Variants in PCDHGA5 observed in about 807,000 individuals in gnomAD.
PCDHGA5 encodes protocadherin gamma-A5.
PCDHGA5 carries 36 observed loss-of-function variants against 56.7 expected under a neutral mutation model. That is an observed-to-expected ratio of 0.64 (90% CI 0.49 to 0.84). The LOEUF (loss-of-function observed/expected upper bound fraction) is 0.84, where lower values mean the gene tolerates loss of function less well. Ranked by LOEUF, PCDHGA5 falls within the 40% of genes least tolerant of loss-of-function variation. PCDHGA5 has a pLI of 0.00. For synonymous variants in PCDHGA5, 563 were observed against 520.2 expected (o/e 1.08, Z -1.12); for missense variants, 1,305 against 1,201.5 (o/e 1.09, Z -1.27).
Position 141,477,665 on chromosome 5 carries a change from G to T in PCDHGA5, c.2422-17142G>T, listed in dbSNP as rs753814499. ...CTATTTCACAATAAATCGTGACAAT[G>T]GCATAGTGTCATCCTTAGTGCCCCT... is the stretch of plus-strand genomic sequence containing the variant. On this transcript the variant is annotated intron_variant, in intron 1 of 3. Coordinates refer to ENST00000518069, the MANE Select transcript of PCDHGA5 (RefSeq NM_018918.3). The surrounding 1 kb of genome is among the most constrained non-coding windows in gnomAD (Gnocchi z 4.9). 6.2e-7 allele frequency: 1 copy of T among 1,614,182 alleles called. No individual in the cohort carries two copies. The highest frequency in any genetic ancestry group is 8.5e-7 in the Non-Finnish European group (1 of 1,180,038).
rs71576115 is a variant in PCDHGA5, at chr5:141,463,438, CTTTT to C, written c.2422-31344_2422-31341del. Among the ~76,000 whole-genome samples, 12 of 103,242 alleles carry C rather than the reference CTTTT, an allele frequency of 1.2e-4. No homozygotes were observed. In the South Asian group the frequency reaches 1.6e-3, roughly 14 times the overall value. 67.7% of individuals were successfully genotyped at this position (103,242 alleles called of 152,430 possible). ...GTTTGCGGATCCTCATTTCCTTCTCCTTTTTTTTTTTTTTTTTTTTTTTTTTTTG... is the reference window on the plus strand; with the variant it reads ...GTTTGCGGATCCTCATTTCCTTCTCCTTTTTTTTTTTTTTTTTTTTTTTTG... On this transcript the variant is annotated intron_variant, in intron 1 of 3. Coordinates refer to ENST00000518069, the MANE Select transcript of PCDHGA5 (RefSeq NM_018918.3).
chr5:141,433,174 G>A (rs1298757358), intron 1 of PCDHGA5: 1 of 1,610,308 alleles, frequency 6.2e-7, no homozygotes, highest in Non-Finnish European at 8.5e-7. Context: ...ACAGTCATGG[G>A]TTAATTGAGG....
chr5:141,385,239 C>A lies in PCDHGA5; in HGVS notation c.2421+18488C>A, dbSNP rs367668432. On this transcript the variant is annotated intron_variant, in intron 1 of 3. Transcript: ENST00000518069. ...AGCCCAACTATGTAGACATGCTCAT[C>A]AGCCAGGAGAGCTGTGAGAAAAATG... 4 of 1,613,960 alleles carry A rather than the reference C, an allele frequency of 2.5e-6. No individual in the cohort carries two copies. The African/African-American group carries it at 5.3e-5, about 22-fold the overall frequency.
intron 1 of PCDHGA5, chr5:141,413,189 G>T: frequency 1.2e-6 from 2 of 1,606,972 alleles, no homozygotes; most frequent in Middle Eastern, 1.7e-4. Flanking sequence ...GCCGCTCAAA[G>T]GAATCGCTCA....
intron 1 of PCDHGA5, among the ~76,000 whole-genome samples, chr5:141,472,147 G>T (rs2099272889): frequency 6.6e-6 from 1 of 152,112 alleles, no homozygotes; most frequent in South Asian, 2.1e-4. Flanking sequence ...AAAGTTTCAT[G>T]GTTACATAGC....
chr5:141,398,890 G>A (rs763743728), intron 1 of PCDHGA5: 1 of 1,613,920 alleles, frequency 6.2e-7, no homozygotes, highest in East Asian at 2.2e-5. Context: ...TCGGGAAAAC[G>A]TGCCACCAGG....
At position 141,422,630 on chromosome 5, in the gene PCDHGA5, G is replaced by A. The variant is rs1193466428; in HGVS notation, c.2421+55879G>A. 5 of 1,613,176 alleles carry A rather than the reference G, an allele frequency of 3.1e-6. No homozygotes were observed. The Admixed American group carries it at 8.3e-5, about 27-fold the overall frequency. On this transcript the variant is annotated intron_variant, in intron 1 of 3. Coordinates refer to ENST00000518069, the MANE Select transcript of PCDHGA5 (RefSeq NM_018918.3). ...GCCTACATTCCCGAAAACAACCCCA[G>A]GGGTGCCTCCATCTTCTCAGTGACC...
At position 141,366,425 on chromosome 5, in the gene PCDHGA5, G is replaced by A; in HGVS notation, c.2095G>A (p.Ala699Thr). Reference protein sequence around the residue: ...LTLYLVVAVAAVSCVFLAFVI... With the variant: ...LTLYLVVAVATVSCVFLAFVI... ...ACTCTATCTTGTGGTGGCAGTGGCTGCAGTCTCCTGCGTCTTCCTGGCCTT... is the reference window on the plus strand; with the variant it reads ...ACTCTATCTTGTGGTGGCAGTGGCTACAGTCTCCTGCGTCTTCCTGGCCTT... Residue 699 changes from alanine (A) to threonine (T), a missense_variant, in exon 1 of 4, where the codon GCA becomes ACA. Physicochemically the swap from Ala to Thr is moderately conservative, Grantham distance 58. Coordinates refer to ENST00000518069, the MANE Select transcript of PCDHGA5 (RefSeq NM_018918.3). 1 of 1,614,148 alleles carries A rather than the reference G, an allele frequency of 6.2e-7. No homozygotes were observed. The highest frequency in any genetic ancestry group is 1.1e-5 in the South Asian group (1 of 91,086).
rs758673205 is a variant in PCDHGA5, at chr5:141,376,309, CGT to C, written c.2421+9560_2421+9561del. The C allele has an allele frequency of 7.2e-5, 117 of 1,614,148 alleles. No homozygotes were observed. The South Asian group carries it at 1.3e-3, about 17-fold the overall frequency. ...GCATGCCCGGCTCGCACTTTGTGGG[CGT>C]GGAAGGGGTTCGGGCTTTCCTGCAG... On this transcript the variant is annotated intron_variant, in intron 1 of 3. Coordinates refer to ENST00000518069, the MANE Select transcript of PCDHGA5 (RefSeq NM_018918.3).
Position 141,364,596 on chromosome 5 carries a change from G to A in PCDHGA5, c.266G>A (p.Arg89Lys). The change falls in exon 1 of 4, where the codon AGG becomes AAG. Residue 89 changes from arginine (R) to lysine (K), a missense_variant. By Grantham distance (26) the Arg-to-Lys change is conservative. Transcript: ENST00000518069. The stretch of plus-strand genomic sequence containing the variant: ...AGCGGCAGCTTGGTCACCGCGGGCA[G>A]GATAGACCGGGAGGAGCTCTGCGCT... ...PRSGSLVTAGRIDREELCAQS... is the reference protein window; with the variant it reads ...PRSGSLVTAGKIDREELCAQS... 1 of 1,614,208 alleles carries A rather than the reference G, an allele frequency of 6.2e-7. No homozygotes were observed. Among genetic ancestry groups the A allele is most frequent in the South Asian group, 1.1e-5 (1 of 91,086 alleles).
chr5:141,381,197 G>A (rs775518407), intron 1 of PCDHGA5, among the ~76,000 whole-genome samples: 1 of 152,232 alleles, frequency 6.6e-6, no homozygotes, highest in African/African-American at 2.4e-5. Context: ...CTTTCTTAGT[G>A]TTAGTTCTGG....
intron 1 of PCDHGA5, among the ~76,000 whole-genome samples, chr5:141,368,131 T>G (rs1463973609): frequency 6.6e-6 from 1 of 152,198 alleles, no homozygotes; most frequent in Non-Finnish European, 1.5e-5. Flanking sequence ...TTCTTAATCC[T>G]TCAAATTTTG....
At chr5:141,373,625 T>C (rs941241888) in intron 1 of PCDHGA5, among the ~76,000 whole-genome samples, 3 of 152,254 alleles carry the variant, frequency 2.0e-5, no homozygotes, top group African/African-American at 7.2e-5. Context: ...GATTGTAATA[T>C]TATTTCTGTT....
intron 1 of PCDHGA5, chr5:141,420,902 A>T (rs1202945278): frequency 3.4e-6 from 1 of 293,976 alleles, no homozygotes; most frequent in Non-Finnish European, 6.3e-6. Context: ...TAAGCTCTAC[A>T]AATACGTGTG....
In PCDHGA5 at chr5:141,490,294, T is replaced by C. The variant is rs766906839; in HGVS notation, c.2422-4513T>C. ...CAATGACAATGCCCCAGAGGTGCTA[T>C]TGGCCTCTTTGGCCAACCCTGTCCT... On this transcript the variant is annotated intron_variant, in intron 1 of 3. Transcript: ENST00000518069. This position sits in a 1 kb window ranked among gnomAD's most constrained non-coding sequence, Gnocchi z 5.4. The C allele has an allele frequency of 5.6e-6, 9 of 1,614,104 alleles. No individual in the cohort carries two copies. The East Asian group carries it at 1.3e-4, about 24-fold the overall frequency.
chr5:141,425,013 G>T (rs1666336437), intron 1 of PCDHGA5, among the ~76,000 whole-genome samples: 1 of 152,108 alleles, frequency 6.6e-6, no homozygotes, highest in Non-Finnish European at 1.5e-5. Flanking sequence ...TCTCATTTAG[G>T]AATTTACCTT....
intron 1 of PCDHGA5, among the ~76,000 whole-genome samples, chr5:141,368,063 A>G (rs1765467925): frequency 6.6e-6 from 1 of 152,184 alleles, no homozygotes; most frequent in Non-Finnish European, 1.5e-5. Flanking sequence ...GAACTACTAT[A>G]TTTCCCTTCT....
Position 141,486,786 on chromosome 5 carries a change from G to A in PCDHGA5, c.2422-8021G>A, listed in dbSNP as rs1360545946. The A allele has an allele frequency of 1.9e-6, 3 of 1,614,090 alleles. No individual in the cohort carries two copies. The highest frequency in any genetic ancestry group is 2.2e-5 in the East Asian group (1 of 44,892). ...ACACTGCAGTTTGAGGTGCAGGCCC[G>A]GGATCGGGGCAACCCACCCCTTAGC... is the stretch of plus-strand genomic sequence containing the variant. On this transcript the variant is annotated intron_variant, in intron 1 of 3. Coordinates refer to ENST00000518069, the MANE Select transcript of PCDHGA5 (RefSeq NM_018918.3). This position sits in a 1 kb window ranked among gnomAD's most constrained non-coding sequence, Gnocchi z 5.0.
chr5:141,426,166 G>A (rs545570121), intron 1 of PCDHGA5: 4 of 155,070 alleles, frequency 2.6e-5, no homozygotes, highest in South Asian at 2.0e-4. Context: ...GATTCCATAC[G>A]GATTGGGGTG....
Sources: allele counts gnomAD v4.1 joint callset (sites outside exome capture counted in the v4.1 genomes callset), GRCh38; gene constraint gnomAD v4.1.1; non-coding constraint Gnocchi (gnomAD v3.1); transcripts MANE v1.5; gene names NCBI Gene and HGNC (gene_info 2026-07-23, HGNC 2026-07-21).